Variants in RHOT2 observed in about 807,000 individuals in gnomAD.
The protein encoded by RHOT2 is ras homolog family member T2.
RHOT2 carries 90 observed loss-of-function variants against 81.6 expected under a neutral mutation model. The ratio of observed to expected loss-of-function variants is 1.10; its 90% CI spans 0.93 to 1.31. RHOT2 has a LOEUF of 1.31. Among genes scored for constraint, RHOT2 ranks in the 40% most tolerant of loss-of-function variants. The pLI is 0.00. For missense variants in RHOT2, 1,014 were observed against 841.9 expected (o/e 1.20, Z -2.53); for synonymous variants, 512 against 370.9 (o/e 1.38, Z -4.37).
rs764522423 is a variant in RHOT2 at position 672,920 on chromosome 16, GC to G, written c.1528-5del. 1.2e-6 allele frequency: 2 copies of G among 1,612,746 alleles called. No homozygotes were observed. The highest frequency in any genetic ancestry group is 4.5e-5 in the East Asian group (2 of 44,876). ...AGGACTGTACCTCATACCACTCTCT[GC>G]CCACAGCACCATTACATGGACGGGC... On this transcript the variant is annotated splice_region_variant and splice_polypyrimidine_tract_variant and intron_variant, in intron 17 of 18. Transcript: ENST00000315082.
chr16:673,856 C>A lies in RHOT2; in HGVS notation c.*250C>A. ...GCAGGAGCTCCCAAGTGCCGGCCACCGCTGTCAGGGATTGCCCACCCCTGG... is the reference window on the plus strand; with the variant it reads ...GCAGGAGCTCCCAAGTGCCGGCCACAGCTGTCAGGGATTGCCCACCCCTGG... On this transcript the variant is annotated 3_prime_UTR_variant, in exon 19 of 19. Coordinates refer to ENST00000315082, the MANE Select transcript of RHOT2 (RefSeq NM_138769.3). The A allele has an allele frequency of 1.6e-6, 1 of 611,088 alleles. No individual in the cohort carries two copies. The highest frequency in any genetic ancestry group is 1.7e-5 in the South Asian group (1 of 57,358). 37.9% of individuals were successfully genotyped at this position (611,088 alleles called of 1,614,324 possible).
Position 672,952 on chromosome 16 carries a change from C to A in RHOT2, c.1552C>A (p.Pro518Thr). The A allele has an allele frequency of 6.2e-7, 1 of 1,612,822 alleles. No individual in the cohort carries two copies. The highest frequency in any genetic ancestry group is 8.5e-7 in the Non-Finnish European group (1 of 1,179,996). The change falls in exon 18 of 19, where the codon CCC becomes ACC. Residue 518 changes from proline to threonine, a missense_variant. By Grantham distance (38) the Pro-to-Thr change is conservative. Transcript: ENST00000315082. ...GCACCATTACATGGACGGGCAGACC[C>A]CCTGCCTCTTTGTCTCCTCCAAGGC... Reference protein sequence around the residue: ...YKHHYMDGQTPCLFVSSKADL... With the variant: ...YKHHYMDGQTTCLFVSSKADL...
Position 668,141 on chromosome 16 carries a change from G to C in RHOT2, c.-59G>C. 4.7e-6 allele frequency: 2 copies of C among 428,652 alleles called. No individual in the cohort carries two copies. The highest frequency in any genetic ancestry group is 4.1e-6 in the Non-Finnish European group (1 of 244,860). 26.6% of individuals were successfully genotyped at this position (428,652 alleles called of 1,614,324 possible). ...GGGCGGGCGCGGGGGCAGAGCGAAA[G>C]GCTTGAGGACCAGGTCGGGGCCGGG... On this transcript the variant is annotated 5_prime_UTR_variant, in exon 1 of 19. Transcript: ENST00000315082.
intron 5 of RHOT2, 42 bp downstream of exon 5, chr16:669,648 C>T: frequency 6.3e-7 from 1 of 1,597,040 alleles, no homozygotes; most frequent in Non-Finnish European, 8.6e-7. Context: ...GACACAGTGG[C>T]CGGTGGTGGC....
chr16:672,943 G>C lies in RHOT2; in HGVS notation c.1543G>C (p.Gly515Arg), dbSNP rs753029676. The part of the protein sequence containing the change: ...ASVYKHHYMD[G>R]QTPCLFVSSK... ...CTGCCCACAGCACCATTACATGGAC[G>C]GGCAGACCCCCTGCCTCTTTGTCTC... The change falls in exon 18 of 19, where the codon GGG (glycine) becomes CGG (arginine). Residue 515 changes from glycine to arginine, a missense_variant. Coordinates refer to ENST00000315082, the MANE Select transcript of RHOT2 (RefSeq NM_138769.3). 1 of 1,612,784 alleles carries C rather than the reference G, an allele frequency of 6.2e-7. No homozygotes were observed. The highest frequency in any genetic ancestry group is 1.1e-5 in the South Asian group (1 of 91,082).
chr16:669,387 G>A, intron 4 of RHOT2, 166 bp from the exon 5 acceptor site: 2 of 656,280 alleles, frequency 3.0e-6, no homozygotes, highest in South Asian at 1.7e-5. Context: ...ACACCAGGCT[G>A]GAGGCAGGTT....
intron 8 of RHOT2, 49 bp downstream of exon 8, chr16:670,606 G>C (rs892684001): frequency 1.3e-6 from 2 of 1,599,882 alleles, no homozygotes. Context: ...GGGCCCAGGG[G>C]GTGCTGGGTG....
Position 672,380 on chromosome 16 carries a change from T to TG in RHOT2, c.1326+1dup. On this transcript the variant is annotated frameshift_variant, in exon 15 of 19. Transcript: ENST00000315082. LOFTEE classifies it high-confidence loss of function. ...CTGCAGGCCTTTCTCGGCCGCGGCC[T>TG]GGGGGTAAGCACCCTAGACTCCCCC... 3.7e-6 allele frequency: 6 copies of TG among 1,609,764 alleles called. No homozygotes were observed. The highest frequency in any genetic ancestry group is 5.1e-6 in the Non-Finnish European group (6 of 1,178,190).
intron 4 of RHOT2, 59 bp downstream of exon 4, chr16:668,758 C>G: frequency 6.6e-7 from 1 of 1,516,732 alleles, no homozygotes; most frequent in Non-Finnish European, 8.9e-7. Context: ...TAATCCGCTT[C>G]GCAGCCTGGG....
Position 668,387 on chromosome 16 carries a change from G to C in RHOT2, c.72G>C (p.Leu24=). 1 of 1,463,322 alleles carries C rather than the reference G, an allele frequency of 6.8e-7. No homozygotes were observed. Among genetic ancestry groups the C allele is most frequent in the Non-Finnish European group, 9.0e-7 (1 of 1,114,590 alleles). 90.6% of individuals were successfully genotyped at this position (1,463,322 alleles called of 1,614,324 possible). The change falls in exon 2 of 19, where the codon CTG becomes CTC. Residue 24 remains leucine, a synonymous_variant. Coordinates refer to ENST00000315082, the MANE Select transcript of RHOT2 (RefSeq NM_138769.3). Reference sequence around the variant, plus strand: ...GGAAGACGTCGCTGATCCTGTCCCTGGTGGGCGAGGAGTTCCCCGAGGAGG... The same window carrying C: ...GGAAGACGTCGCTGATCCTGTCCCTCGTGGGCGAGGAGTTCCCCGAGGAGG... ...QVGKTSLILS[L]VGEEFPEEVP...
chr16:668,433 G>A lies in RHOT2; in HGVS notation c.96+22G>A, dbSNP rs1439612020. 1.4e-5 allele frequency: 21 copies of A among 1,552,880 alleles called. No homozygotes were observed. The East Asian group carries it at 4.0e-4, about 30-fold the overall frequency. On this transcript the variant is annotated intron_variant, in intron 2 of 18. Transcript: ENST00000315082. ...GGAGGTAAGGGGCACGCCCGCCGCG[G>A]GGGTGGGAGCGGGCCCAGCCGGGGG...
rs1208228962 is a variant in RHOT2, at chr16:668,591, G to A, written c.178+22G>A. 3 of 1,610,106 alleles carry A rather than the reference G, an allele frequency of 1.9e-6. No individual in the cohort carries two copies. In the African/African-American group the frequency reaches 4.0e-5, roughly 22 times the overall value. On this transcript the variant is annotated intron_variant, in intron 3 of 18. Transcript: ENST00000315082. ...TCAGGTAGCGGCCGTAGCCTCCCGG[G>A]GGCCCGGCCCGCAGCGGTCCGGCGG...
intron 4 of RHOT2, 196 bp from the exon 5 acceptor site, chr16:669,357 G>A (rs775997813): frequency 1.8e-5 from 11 of 616,166 alleles, no homozygotes; most frequent in Non-Finnish European, 3.2e-5. Flanking sequence ...GTGTGACACT[G>A]GGGAGTGCCT....
rs1422210647 is a variant in RHOT2, at chr16:672,460, A to T, written c.1327-29A>T. 4 of 1,612,040 alleles carry T rather than the reference A, an allele frequency of 2.5e-6. No individual in the cohort carries two copies. In the South Asian group the frequency reaches 4.4e-5, roughly 18 times the overall value. On this transcript the variant is annotated intron_variant, in intron 15 of 18. Coordinates refer to ENST00000315082, the MANE Select transcript of RHOT2 (RefSeq NM_138769.3). ...GGGCAATCTGGGGGGCACTGCAGCC[A>T]GCGAGTGTCAGGACTTCACCTCCCT...
At position 668,404 on chromosome 16, in the gene RHOT2, C is replaced by A; in HGVS notation, c.89C>A (p.Pro30His). The A allele has an allele frequency of 1.3e-6, 2 of 1,491,260 alleles. No individual in the cohort carries two copies. The highest frequency in any genetic ancestry group is 5.0e-5 in the East Asian group (2 of 39,764). The allele number at this position is 1,491,260 out of a possible 1,614,324, so 92.4% of individuals were successfully genotyped here. ...CTGTCCCTGGTGGGCGAGGAGTTCC[C>A]CGAGGAGGTAAGGGGCACGCCCGCC... ...LILSLVGEEF[P>H]EEVPPRAEEI... is the part of the protein sequence containing the mutation. Residue 30 changes from proline to histidine, a missense_variant, in exon 2 of 19, where the codon CCC becomes CAC. Coordinates refer to ENST00000315082, the MANE Select transcript of RHOT2 (RefSeq NM_138769.3).
chr16:671,624 C>T (rs1443320896), intron 11 of RHOT2, 73 bp from the exon 12 acceptor site: 54 of 1,501,214 alleles, frequency 3.6e-5, no homozygotes, highest in Non-Finnish European at 4.9e-5. Context: ...ATGGGGCTGG[C>T]AGGGTGACAG....
chr16:673,212 C>T, intron 18 of RHOT2, 82 bp downstream of exon 18: 1 of 1,451,178 alleles, frequency 6.9e-7, no homozygotes, highest in Non-Finnish European at 9.5e-7. Context: ...AGGCCTGGAA[C>T]TGGGGACTAG....
At position 672,005 on chromosome 16, in the gene RHOT2, A is replaced by G. The variant is rs1313704998; in HGVS notation, c.1097+3A>G. 1.9e-6 allele frequency: 3 copies of G among 1,611,646 alleles called. No homozygotes were observed. The African/African-American group carries it at 4.0e-5, about 22-fold the overall frequency. On this transcript the variant is annotated splice_donor_region_variant and intron_variant, in intron 13 of 18. Coordinates refer to ENST00000315082, the MANE Select transcript of RHOT2 (RefSeq NM_138769.3). ...CACGGATACCTCTGCCAGTGGACGT[A>G]AGTGCGGCCCACACCATGCCCGCCT...
At chr16:669,406 G>A in intron 4 of RHOT2, 147 bp from the exon 5 acceptor site, 2 of 734,038 alleles carry the variant, frequency 2.7e-6, no homozygotes, top group Non-Finnish European at 4.6e-6. Context: ...TTTTAGGGAA[G>A]GCTGGGCTTT....
Sources: allele counts gnomAD v4.1 joint callset, GRCh38; gene constraint gnomAD v4.1.1; transcripts MANE v1.5; gene names NCBI Gene and HGNC (gene_info 2026-07-23, HGNC 2026-07-21).